Variants in FBXO4 observed in about 807,000 individuals in gnomAD.
FBXO4 encodes F-box only protein 4.
Under a neutral mutation model 43.7 loss-of-function variants are expected in FBXO4, and 36 were observed. The observed-to-expected ratio is 0.82, with a 90% CI of 0.63 to 1.09. The LOEUF (loss-of-function observed/expected upper bound fraction) is 1.09, where lower values mean the gene tolerates loss of function less well. FBXO4 is among the 50% of genes least tolerant of loss of function. The pLI, the probability that FBXO4 is intolerant of heterozygous loss-of-function variation, is 0.00. For missense variants in FBXO4, 435 were observed against 474.1 expected (o/e 0.92, Z 0.77); for synonymous variants, 180 against 165.6 (o/e 1.09, Z -0.67).
the FBXO4 span, among the ~76,000 whole-genome samples, chr5:42,027,788 C>T: frequency 6.6e-6 from 1 of 151,634 alleles, no homozygotes; most frequent in Non-Finnish European, 1.5e-5. Flanking sequence ...ATTCGTTGAC[C>T]CACTGGTCAT....
chr5:41,953,394 C>A, the FBXO4 span, among the ~76,000 whole-genome samples: 9 of 152,200 alleles, frequency 5.9e-5, no homozygotes, highest in South Asian at 2.1e-4. Flanking sequence ...TCCAGTCTAT[C>A]ATTGTTGGAC....
At chr5:42,036,998 C>A in the FBXO4 span, among the ~76,000 whole-genome samples, 1 of 152,008 alleles carries the variant, frequency 6.6e-6, no homozygotes, top group East Asian at 1.9e-4. Flanking sequence ...AAGCTCCACC[C>A]AAATTTCTCT....
the FBXO4 span, among the ~76,000 whole-genome samples, chr5:42,004,461 A>C: frequency 6.6e-6 from 1 of 152,198 alleles, no homozygotes; most frequent in African/African-American, 2.4e-5. Context: ...AGAATCCTAA[A>C]ATAATGTATG....
chr5:41,967,688 C>A, the FBXO4 span: 1 of 645,594 alleles, frequency 1.5e-6, no homozygotes, highest in South Asian at 1.5e-5. Context: ...GAATACTGGT[C>A]CAGATACATT....
chr5:41,991,939 G>A, the FBXO4 span, among the ~76,000 whole-genome samples: 30 of 152,232 alleles, frequency 2.0e-4, no homozygotes, highest in East Asian at 1.9e-4. Flanking sequence ...TTAGCCAGGC[G>A]TGGTGGGGCA....
At chr5:41,974,581 T>C in the FBXO4 span, among the ~76,000 whole-genome samples, 1 of 152,354 alleles carries the variant, frequency 6.6e-6, no homozygotes, top group East Asian at 1.9e-4. Context: ...ACTGTTATTG[T>C]GCTATTTGTT....
the FBXO4 span, among the ~76,000 whole-genome samples, chr5:41,957,751 T>C: frequency 6.6e-6 from 1 of 152,046 alleles, no homozygotes. Context: ...CTTTTTCCTC[T>C]CTTGACAATG....
At chr5:42,027,499 T>C in the FBXO4 span, among the ~76,000 whole-genome samples, 2 of 150,648 alleles carry the variant, frequency 1.3e-5, no homozygotes, top group South Asian at 4.1e-4. Context: ...CAGCTTTTTG[T>C]TTCATTGATC....
At chr5:41,985,650 T>C in the FBXO4 span, among the ~76,000 whole-genome samples, 1 of 152,278 alleles carries the variant, frequency 6.6e-6, no homozygotes, top group Admixed American at 6.5e-5. Context: ...CGTTATAATT[T>C]TGACTTTTTC....
At chr5:42,032,462 C>A in the FBXO4 span, among the ~76,000 whole-genome samples, 1 of 152,304 alleles carries the variant, frequency 6.6e-6, no homozygotes, top group South Asian at 2.1e-4. Context: ...GTCCTTCCCA[C>A]TCTTCCCTCC....
rs1752002454 is a variant in FBXO4 at position 41,941,410 on chromosome 5, A to G, written c.*129A>G. The G allele has an allele frequency of 1.7e-6, 1 of 598,264 alleles. No homozygotes were observed. Among genetic ancestry groups the G allele is most frequent in the East Asian group, 2.8e-5 (1 of 35,140 alleles). 37.1% of individuals were successfully genotyped at this position (598,264 alleles called of 1,614,324 possible). A position where few individuals can be genotyped will look rare whatever the true frequency, so the allele number is the denominator to read the frequency against. ...ATAGGCTTTCATTTGGACAGCTATA[A>G]CTGCTGTGTTTTTTATATTATTTTT... On this transcript the variant is annotated 3_prime_UTR_variant, in exon 7 of 7. Transcript: ENST00000281623.
chr5:41,948,159 T>TG, the FBXO4 span, among the ~76,000 whole-genome samples: 29 of 146,770 alleles, frequency 2.0e-4, no homozygotes, highest in Admixed American at 1.6e-3. Flanking sequence ...TTTTTTGAGA[T>TG]GGAGTCTCGC....
At chr5:42,031,466 G>C in the FBXO4 span, among the ~76,000 whole-genome samples, 1 of 146,960 alleles carries the variant, frequency 6.8e-6, no homozygotes, top group Non-Finnish European at 1.5e-5. Context: ...TTGTGGAGTG[G>C]GGGGAGGGGG....
chr5:41,972,983 A>T, the FBXO4 span, among the ~76,000 whole-genome samples: 2 of 152,326 alleles, frequency 1.3e-5, no homozygotes, highest in South Asian at 4.1e-4. Context: ...AAGAAAACCT[A>T]GGAAATCTCA....
chr5:42,026,195 G>A, the FBXO4 span, among the ~76,000 whole-genome samples: 1 of 151,506 alleles, frequency 6.6e-6, no homozygotes, highest in African/African-American at 2.4e-5. Flanking sequence ...CCATTTTTTG[G>A]TGTCCTCTTC....
chr5:41,968,211 A>G, the FBXO4 span: 10 of 227,746 alleles, frequency 4.4e-5, no homozygotes, highest in Admixed American at 1.5e-4. Context: ...AGCTTAGCTC[A>G]TAAGAGCAGT....
At chr5:41,931,831 T>A (rs1751696928) in intron 3 of FBXO4, among the ~76,000 whole-genome samples, 1 of 152,170 alleles carries the variant, frequency 6.6e-6, no homozygotes, top group Non-Finnish European at 1.5e-5. Context: ...AAATGGAGAT[T>A]CATAAGTAAT....
chr5:41,955,639 A>G, the FBXO4 span, among the ~76,000 whole-genome samples: 1 of 152,188 alleles, frequency 6.6e-6, no homozygotes, highest in Non-Finnish European at 1.5e-5. Flanking sequence ...TAAAGTTCAT[A>G]GGGCGGAGTA....
At chr5:41,998,779 C>G in the FBXO4 span, among the ~76,000 whole-genome samples, 1 of 152,140 alleles carries the variant, frequency 6.6e-6, no homozygotes, top group Admixed American at 6.5e-5. Context: ...ATGCATGCAC[C>G]TTTGGTTGCA....
Sources: gnomAD v4.1 joint callset for allele counts (sites outside exome capture counted in the v4.1 genomes callset) on GRCh38, gnomAD v4.1.1 for gene constraint, MANE v1.5 for transcripts, NCBI Gene and HGNC (gene_info 2026-07-23, HGNC 2026-07-21) for gene names.